Variants in IQGAP2 observed in about 807,000 individuals in gnomAD.
IQGAP2 encodes the protein ras GTPase-activating-like protein IQGAP2.
Under a neutral mutation model 201.3 loss-of-function variants are expected in IQGAP2, and 173 were observed. That is an observed-to-expected ratio of 0.86 (90% confidence interval 0.76 to 0.98). IQGAP2 has a LOEUF of 0.98. IQGAP2 is among the 50% of genes least tolerant of loss of function. The pLI is 0.00. For synonymous variants in IQGAP2, 675 were observed against 673.9 expected (o/e 1.00, Z -0.03); for missense variants, 1,687 against 1,864.8 (o/e 0.90, Z 1.76).
chr5:76,485,617 A>G (rs1756081756), intron 2 of IQGAP2, among the ~76,000 whole-genome samples: 1 of 152,170 alleles, frequency 6.6e-6, no homozygotes, highest in African/African-American at 2.4e-5. Flanking sequence ...ATCTTTGTGT[A>G]GTACAGGCCA....
At chr5:76,627,673 A>G (rs1465922500) in intron 14 of IQGAP2, among the ~76,000 whole-genome samples, 173 bp downstream of exon 14, 2 of 152,236 alleles carry the variant, frequency 1.3e-5, no homozygotes, top group East Asian at 1.9e-4. Flanking sequence ...ATTTGACTCT[A>G]TCTCCAACAA....
chr5:76,494,523 C>T (rs1756759318), intron 2 of IQGAP2, among the ~76,000 whole-genome samples: 1 of 152,182 alleles, frequency 6.6e-6, no homozygotes, highest in Non-Finnish European at 1.5e-5. Context: ...TACATGCCCT[C>T]AGCATTCTGT....
At chr5:76,488,715 A>G (rs557620865) in intron 2 of IQGAP2, among the ~76,000 whole-genome samples, 96 of 152,228 alleles carry the variant, frequency 6.3e-4, no homozygotes, top group African/African-American at 2.1e-3. Flanking sequence ...CCTCAAGGAG[A>G]GAGGTTGTAG....
chr5:76,646,409 T>C (rs1752041795), intron 17 of IQGAP2, among the ~76,000 whole-genome samples: 1 of 152,226 alleles, frequency 6.6e-6, no homozygotes, highest in South Asian at 2.1e-4. Context: ...CCCAATGCTC[T>C]CTTTGCCTGG....
intron 9 of IQGAP2, 52 bp downstream of exon 9, chr5:76,592,977 T>C (rs1247964294): frequency 1.6e-6 from 2 of 1,227,372 alleles, no homozygotes. Flanking sequence ...GATACAGACT[T>C]TCCTTGCCAG....
intron 20 of IQGAP2, among the ~76,000 whole-genome samples, chr5:76,656,428 G>A (rs1212363073): frequency 1.3e-5 from 2 of 151,972 alleles, no homozygotes; most frequent in Admixed American, 6.6e-5. Flanking sequence ...TGGTCCGCCC[G>A]CCTCGGCCTC....
intron 31 of IQGAP2, among the ~76,000 whole-genome samples, chr5:76,695,156 A>T (rs1746609851): frequency 6.6e-6 from 1 of 152,210 alleles, no homozygotes; most frequent in Admixed American, 6.5e-5. Flanking sequence ...AAATCCTTCC[A>T]TGTGGGGAAC....
intron 2 of IQGAP2, among the ~76,000 whole-genome samples, chr5:76,530,484 G>T (rs893486588): frequency 2.0e-5 from 3 of 152,172 alleles, no homozygotes; most frequent in African/African-American, 7.2e-5. Context: ...TCTCCAAACT[G>T]ATTATATCAG....
intron 1 of IQGAP2, among the ~76,000 whole-genome samples, chr5:76,438,337 T>A (rs920900475): frequency 6.6e-6 from 1 of 152,218 alleles, no homozygotes; most frequent in Non-Finnish European, 1.5e-5. Context: ...TTCCAGGAAT[T>A]CATCCATTTC....
intron 13 of IQGAP2, among the ~76,000 whole-genome samples, chr5:76,622,068 G>A (rs1188236557): frequency 1.3e-5 from 2 of 152,004 alleles, no homozygotes; most frequent in Non-Finnish European, 2.9e-5. Flanking sequence ...AAACCACAAC[G>A]AAATAAGGCA....
intron 1 of IQGAP2, among the ~76,000 whole-genome samples, chr5:76,445,405 G>A (rs1753316593): frequency 6.6e-6 from 1 of 151,908 alleles, no homozygotes; most frequent in Non-Finnish European, 1.5e-5. Context: ...AATAGCACCT[G>A]GCATATAGAA....
intron 1 of IQGAP2, among the ~76,000 whole-genome samples, chr5:76,410,761 C>G (rs1751063000): frequency 1.3e-5 from 2 of 152,150 alleles, no homozygotes; most frequent in Admixed American, 6.5e-5. Flanking sequence ...TTTCAGATTT[C>G]ACTGATTTAC....
rs1030248501 is a variant in IQGAP2, at chr5:76,575,771, TA to T, written c.458+3del. 9.1e-6 allele frequency: 14 copies of T among 1,541,748 alleles called. No individual in the cohort carries two copies. Among genetic ancestry groups the T allele is most frequent in the South Asian group, 1.2e-5 (1 of 80,068 alleles). On this transcript the variant is annotated splice_donor_region_variant and intron_variant, in intron 5 of 35. Coordinates refer to ENST00000274364, the MANE Select transcript of IQGAP2 (RefSeq NM_006633.5). Reference sequence around the variant, plus strand: ...GATATATTGCATTCACGCACTGAGGTAGGGGGAAAATGCAGCTAAAAGGTGC... The same window carrying T: ...GATATATTGCATTCACGCACTGAGGTGGGGGAAAATGCAGCTAAAAGGTGC...
intron 15 of IQGAP2, 44 bp downstream of exon 15, chr5:76,632,070 A>G: frequency 6.9e-7 from 1 of 1,449,172 alleles, no homozygotes; most frequent in Non-Finnish European, 9.4e-7. Context: ...TATTTTAAAT[A>G]TCATTTCTGT....
rs373414743 is a variant in IQGAP2, at chr5:76,463,215, A to G, written c.146+1546A>G. 8.1e-4 allele frequency among the ~76,000 whole-genome samples: 123 copies of G among 152,046 alleles called. 1 individual carries two copies. In the South Asian group the frequency reaches 0.017, roughly 21 times the overall value. ...ATAAGTTCAAGGAGATAGTAGAAAA[A>G]CTTACTTTTCTATTGATACTCACTT... On this transcript the variant is annotated intron_variant, in intron 2 of 35. Coordinates refer to ENST00000274364, the MANE Select transcript of IQGAP2 (RefSeq NM_006633.5).
At chr5:76,614,195 G>C (rs1748684239) in intron 13 of IQGAP2, among the ~76,000 whole-genome samples, 1 of 152,154 alleles carries the variant, frequency 6.6e-6, no homozygotes, top group African/African-American at 2.4e-5. Flanking sequence ...TTCCAATCTA[G>C]ATTGAGATGG....
chr5:76,410,185 A>G (rs1177023807), intron 1 of IQGAP2, among the ~76,000 whole-genome samples: 2 of 152,176 alleles, frequency 1.3e-5, no homozygotes, highest in East Asian at 3.8e-4. Flanking sequence ...AAGATATGAG[A>G]AGGATGGATT....
chr5:76,451,912 C>T (rs1753777702), intron 1 of IQGAP2, among the ~76,000 whole-genome samples: 1 of 152,094 alleles, frequency 6.6e-6, no homozygotes, highest in Non-Finnish European at 1.5e-5. Context: ...TGATGTGTGC[C>T]TGTAATCCCA....
chr5:76,427,968 A>G (rs1054031894), intron 1 of IQGAP2, among the ~76,000 whole-genome samples: 1 of 152,198 alleles, frequency 6.6e-6, no homozygotes, highest in Non-Finnish European at 1.5e-5. Context: ...GGGAGGACCA[A>G]TGCCTGCAGT....
Sources: gnomAD v4.1 joint callset for allele counts (sites outside exome capture counted in the v4.1 genomes callset) on GRCh38, gnomAD v4.1.1 for gene constraint, MANE v1.5 for transcripts, NCBI Gene and HGNC (gene_info 2026-07-23, HGNC 2026-07-21) for gene names.